RIF1: variants seen among roughly 807,000 people sequenced by gnomAD.
The protein encoded by RIF1 is replication timing regulatory factor 1.
RIF1 carries 45 observed loss-of-function variants against 247.1 expected under a neutral mutation model. The observed-to-expected ratio is 0.18, with a 90% CI of 0.14 to 0.23. The LOEUF is 0.23. Among genes scored for constraint, RIF1 ranks in the 10% least tolerant of loss-of-function variants. RIF1 has a pLI of 1.00. For synonymous variants in RIF1, 1,087 were observed against 978.8 expected (o/e 1.11, Z -2.06); for missense variants, 2,967 against 2,862.5 (o/e 1.04, Z -0.83).
intron 30 of RIF1, among the ~76,000 whole-genome samples, chr2:151,467,699 G>C (rs753147190): frequency 2.6e-5 from 4 of 152,104 alleles, no homozygotes; most frequent in South Asian, 2.1e-4. Context: ...AAAGTTCCTA[G>C]AATCAGATCG....
rs1454704160 is a variant in RIF1 at position 151,468,598 on chromosome 2, G to A, written c.6826-43G>A. 5.0e-6 allele frequency: 8 copies of A among 1,603,190 alleles called. No individual in the cohort carries two copies. In the East Asian group the frequency reaches 1.6e-4, roughly 31 times the overall value. On this transcript the variant is annotated intron_variant, in intron 32 of 35. Coordinates refer to ENST00000444746, the MANE Select transcript of RIF1 (RefSeq NM_018151.5). ...ATGTCACTTTATATTTTCATGTTCA[G>A]TCAGTTGACCTCTGTGTAACAGCTT...
chr2:151,411,381 T>TA (rs1553471663), intron 3 of RIF1, 43 bp downstream of exon 3: 5 of 1,284,606 alleles, frequency 3.9e-6, no homozygotes, highest in Non-Finnish European at 5.5e-6. Flanking sequence ...TTTGGTAGTT[T>TA]GGTTTTTTTT....
the RIF1 span, among the ~76,000 whole-genome samples, chr2:151,517,638 G>C: frequency 6.6e-6 from 1 of 152,124 alleles, no homozygotes; most frequent in Non-Finnish European, 1.5e-5. Context: ...TACACACCTA[G>C]GCTATATGGT....
At chr2:151,496,557 C>G (rs1175030414) in intron 10 of RIF1, among the ~76,000 whole-genome samples, 1 of 152,170 alleles carries the variant, frequency 6.6e-6, no homozygotes, top group Non-Finnish European at 1.5e-5. Flanking sequence ...TCTGCACCCT[C>G]TAGAGAAGCA....
chr2:151,472,144 A>C (rs1329569062), intron 34 of RIF1, among the ~76,000 whole-genome samples: 2 of 152,046 alleles, frequency 1.3e-5, no homozygotes, highest in Non-Finnish European at 2.9e-5. Flanking sequence ...TGTGAATGGG[A>C]GTTCACTCAT....
chr2:151,493,936 T>TG (rs2058425108), intron 9 of RIF1: 1 of 1,136,144 alleles, frequency 8.8e-7, no homozygotes, highest in Non-Finnish European at 1.2e-6. Flanking sequence ...TATTGCAAGT[T>TG]GGGGGGAAAT....
At chr2:151,531,251 A>G in the RIF1 span, 9 of 519,952 alleles carry the variant, frequency 1.7e-5, no homozygotes, top group East Asian at 2.6e-4. Flanking sequence ...CTAAGACTTC[A>G]GTGTTTCCAG....
chr2:151,444,599 T>C (rs1692927066), intron 18 of RIF1, among the ~76,000 whole-genome samples: 2 of 152,168 alleles, frequency 1.3e-5, no homozygotes, highest in African/African-American at 4.8e-5. Context: ...TGCTCAGCTT[T>C]TTACATTATA....
At chr2:151,458,597 A>G (rs934094871) in intron 24 of RIF1, among the ~76,000 whole-genome samples, 12 of 152,178 alleles carry the variant, frequency 7.9e-5, no homozygotes, top group African/African-American at 2.7e-4. Flanking sequence ...GGAATTTTCC[A>G]TGATAAAAAT....
downstream of RIF1, among the ~76,000 whole-genome samples, chr2:151,508,748 C>T (rs984371805): frequency 3.2e-4 from 48 of 152,356 alleles, no homozygotes; most frequent in African/African-American, 1.2e-3. Flanking sequence ...GGCCAGCTGA[C>T]TGGCCAAGGA....
Position 151,411,309 on chromosome 2 carries a change from AAAC to A in RIF1, c.155_157del (p.Lys52_Leu53delinsIle). 6.2e-7 allele frequency: 1 copy of A among 1,603,886 alleles called. No individual in the cohort carries two copies. Among genetic ancestry groups the A allele is most frequent in the Non-Finnish European group, 8.5e-7 (1 of 1,173,022 alleles). On this transcript the variant is annotated inframe_deletion, in exon 3 of 36. Coordinates refer to ENST00000444746, the MANE Select transcript of RIF1 (RefSeq NM_018151.5). ...AGAAGTAATTACAGAAATTGAGAAAAAACTTCCTCGGCTGTACAAAGTTTTAAA... is the reference window on the plus strand; with the variant it reads ...AGAAGTAATTACAGAAATTGAGAAAATTCCTCGGCTGTACAAAGTTTTAAA...
At chr2:151,489,576 T>C (rs1040299912) in intron 9 of RIF1, among the ~76,000 whole-genome samples, 1 of 152,142 alleles carries the variant, frequency 6.6e-6, no homozygotes, top group African/African-American at 2.4e-5. Flanking sequence ...TTTTGGTTTT[T>C]AGTAGAGATG....
intron 20 of RIF1, among the ~76,000 whole-genome samples, chr2:151,450,679 G>T (rs991910838): frequency 2.0e-5 from 3 of 152,096 alleles, no homozygotes; most frequent in Non-Finnish European, 4.4e-5. Context: ...CGCCTCCCGG[G>T]TTCAAGCAGT....
rs750325526 is a variant in RIF1, at chr2:151,458,920, G to A, written c.2955+10G>A. 5 of 1,503,860 alleles carry A rather than the reference G, an allele frequency of 3.3e-6. No individual in the cohort carries two copies. In the South Asian group the frequency reaches 5.8e-5, roughly 17 times the overall value. The allele number at this position is 1,503,860 out of a possible 1,614,324, so 93.2% of individuals were successfully genotyped here. A position where few individuals can be genotyped will look rare whatever the true frequency, so the allele number is the denominator to read the frequency against. ...ACCATATTCTGATGGAGTAAGTTGG[G>A]GGGTTTTATTGTTCATTTGTTTTTG... is the stretch of plus-strand genomic sequence containing the variant. On this transcript the variant is annotated intron_variant, in intron 25 of 35. Transcript: ENST00000444746.
chr2:151,491,835 C>T (rs1228710451), intron 9 of RIF1: 50 of 1,357,126 alleles, frequency 3.7e-5, no homozygotes, highest in Non-Finnish European at 4.8e-5. Flanking sequence ...AACTTGAAAA[C>T]CAAGGCATGA....
chr2:151,416,976 TAAATGAGAGACAGACATTA>T, intron 6 of RIF1, 75 bp downstream of exon 6: 1 of 1,114,868 alleles, frequency 9.0e-7, no homozygotes, highest in South Asian at 1.4e-5. Context: ...TTTTGGGATT[TAAATGAGAGACAGACATTA>T]AAAGGGGGGA....
chr2:151,410,390 C>G (rs1480086818), intron 1 of RIF1, 24 bp from the exon 2 acceptor site: 2 of 1,590,368 alleles, frequency 1.3e-6, no homozygotes, highest in Non-Finnish European at 1.7e-6. Flanking sequence ...ACTGGATTTT[C>G]TCCTCTTCCG....
At chr2:151,494,479 C>T (rs1179483475) in intron 9 of RIF1, among the ~76,000 whole-genome samples, 1 of 152,088 alleles carries the variant, frequency 6.6e-6, no homozygotes, top group Admixed American at 6.6e-5. Flanking sequence ...GCAAGAGAGA[C>T]CTGTGGTGTT....
the RIF1 span, chr2:151,516,392 C>T: frequency 8.9e-7 from 1 of 1,122,686 alleles, no homozygotes. Context: ...CTGGCCATGT[C>T]ATGGGCAGAG....
Sources: gnomAD v4.1 joint callset for allele counts (sites outside exome capture counted in the v4.1 genomes callset) on GRCh38, gnomAD v4.1.1 for gene constraint, MANE v1.5 for transcripts, NCBI Gene and HGNC (gene_info 2026-07-23, HGNC 2026-07-21) for gene names.